Variants in DHRS9 observed in about 807,000 individuals in gnomAD.
The protein encoded by DHRS9 is dehydrogenase/reductase 9, also known as dehydrogenase/reductase SDR family member 9.
In DHRS9, 18 loss-of-function variants were observed where a neutral mutation model predicts 26.6. The ratio of observed to expected loss-of-function variants is 0.68; its 90% confidence interval spans 0.47 to 1.00. The LOEUF (loss-of-function observed/expected upper bound fraction) is 1.00, where lower values mean the gene tolerates loss of function less well. Among genes scored for constraint, DHRS9 ranks in the 50% least tolerant of loss-of-function variants. DHRS9 has a pLI of 0.00. For missense variants in DHRS9, 425 were observed against 378.7 expected (o/e 1.12, Z -1.01); for synonymous variants, 134 against 141.1 (o/e 0.95, Z 0.36).
chr2:169,083,537 G>A lies in DHRS9; in HGVS notation c.522G>A (p.Gly174=), dbSNP rs149209517. The A allele has an allele frequency of 6.7e-5, 108 of 1,613,764 alleles. No individual in the cohort carries two copies. Among genetic ancestry groups the A allele is most frequent in the Non-Finnish European group, 8.5e-5 (100 of 1,179,956 alleles). ...SVGGRLAIVG[G]GYTPSKYAVE... ...GAGGTCGCCTTGCAATCGTTGGAGG[G>A]GGCTATACTCCATCCAAATATGCAG... Residue 174 remains glycine, a synonymous_variant, in exon 3 of 5, where the codon GGG becomes GGA. Coordinates refer to ENST00000674881, the MANE Select transcript of DHRS9 (RefSeq NM_001376924.1).
chr2:169,095,739 C>T lies in DHRS9; in HGVS notation c.932C>T (p.Ala311Val). ...GACTTTTTATTGTTGAAACAGAAAG[C>T]AGAGCTGGCTAATCCCAAGGCAGTG... ...LQDFLLLKQKAELANPKAV is the reference protein window; with the variant it reads ...LQDFLLLKQKVELANPKAV The change falls in exon 5 of 5, where the codon GCA becomes GTA. Residue 311 changes from alanine (A) to valine (V), a missense_variant. Physicochemically the swap from Ala to Val is moderately conservative, Grantham distance 64. Coordinates refer to ENST00000674881, the MANE Select transcript of DHRS9 (RefSeq NM_001376924.1). The T allele has an allele frequency of 6.2e-7, 1 of 1,613,776 alleles. No homozygotes were observed. Among genetic ancestry groups the T allele is most frequent in the Non-Finnish European group, 8.5e-7 (1 of 1,179,822 alleles).
chr2:169,078,092 C>G (rs1293710523), intron 1 of DHRS9, among the ~76,000 whole-genome samples: 1 of 152,206 alleles, frequency 6.6e-6, no homozygotes, highest in Non-Finnish European at 1.5e-5. Flanking sequence ...TCATCTGTCT[C>G]CTATAGTGGA....
chr2:169,074,482 T>C, intron 1 of DHRS9: 2 of 983,856 alleles, frequency 2.0e-6, no homozygotes, highest in Non-Finnish European at 2.4e-6. Context: ...TTCCTGGAGT[T>C]TCTGAATTGT....
In DHRS9 at chr2:169,069,723, T is replaced by C. The variant is rs1683744577; in HGVS notation, c.-60+6T>C. The C allele has an allele frequency of 2.0e-6, 2 of 985,388 alleles. No homozygotes were observed. The highest frequency in any genetic ancestry group is 1.2e-4 in the Admixed American group (2 of 16,276). 61.0% of individuals were successfully genotyped at this position (985,388 alleles called of 1,614,324 possible). On this transcript the variant is annotated splice_donor_region_variant and intron_variant, in intron 1 of 4. Coordinates refer to ENST00000674881, the MANE Select transcript of DHRS9 (RefSeq NM_001376924.1). The stretch of plus-strand genomic sequence containing the variant: ...CCCACTTCATCTTTAATAAGGTAAC[T>C]GATGACAGTTTTGTCATTTATTCTT...
upstream of DHRS9, chr2:169,069,335 T>C: frequency 3.8e-6 from 3 of 780,000 alleles, no homozygotes; most frequent in Non-Finnish European, 4.7e-6. Context: ...TTTCTGCTGC[T>C]GAATTTGGTC....
At chr2:169,078,542 T>C (rs558112088) in intron 1 of DHRS9, among the ~76,000 whole-genome samples, 19 of 152,338 alleles carry the variant, frequency 1.2e-4, no homozygotes, top group African/African-American at 3.8e-4. Context: ...GGTTTAAACA[T>C]GTAATTTTGC....
chr2:169,082,095 G>GA (rs1684209801), intron 2 of DHRS9, among the ~76,000 whole-genome samples: 1 of 152,178 alleles, frequency 6.6e-6, no homozygotes, highest in Non-Finnish European at 1.5e-5. Context: ...ACACAGCCCA[G>GA]AAGACCCTTG....
At chr2:169,077,060 T>C (rs1574022667) in intron 1 of DHRS9, among the ~76,000 whole-genome samples, 1 of 152,180 alleles carries the variant, frequency 6.6e-6, no homozygotes, top group East Asian at 1.9e-4. Context: ...AAGACATAAG[T>C]GGATCCAGGC....
intron 4 of DHRS9, among the ~76,000 whole-genome samples, chr2:169,093,962 T>A (rs1684615808): frequency 1.3e-5 from 2 of 152,252 alleles, no homozygotes. Context: ...TTTAAAAGTA[T>A]GTGAGAATCA....
chr2:169,073,801 C>G (rs967830700), intron 1 of DHRS9, among the ~76,000 whole-genome samples: 1 of 152,184 alleles, frequency 6.6e-6, no homozygotes, highest in African/African-American at 2.4e-5. Flanking sequence ...CAATGTGATA[C>G]TACCAAGGAA....
chr2:169,089,752 C>T (rs907273161), intron 3 of DHRS9, among the ~76,000 whole-genome samples: 1 of 152,094 alleles, frequency 6.6e-6, no homozygotes, highest in Admixed American at 6.5e-5. Context: ...ACAATTCTTC[C>T]AAAAAACTAA....
In DHRS9 at chr2:169,083,539, G is replaced by A. The variant is rs1684258854; in HGVS notation, c.524G>A (p.Gly175Asp). 1 of 1,613,938 alleles carries A rather than the reference G, an allele frequency of 6.2e-7. No individual in the cohort carries two copies. The highest frequency in any genetic ancestry group is 1.3e-5 in the African/African-American group (1 of 74,902). Reference protein sequence around the residue: ...VGGRLAIVGGGYTPSKYAVEG... With the variant: ...VGGRLAIVGGDYTPSKYAVEG... ...GGTCGCCTTGCAATCGTTGGAGGGG[G>A]CTATACTCCATCCAAATATGCAGTG... Residue 175 changes from glycine to aspartate, a missense_variant, in exon 3 of 5, where the codon GGC (glycine) becomes GAC (aspartate). Transcript: ENST00000674881.
chr2:169,079,114 T>TG (rs1367803463), intron 1 of DHRS9, among the ~76,000 whole-genome samples: 1 of 152,080 alleles, frequency 6.6e-6, no homozygotes, highest in Non-Finnish European at 1.5e-5. Flanking sequence ...CCCAAAGTGC[T>TG]GGGATTACAG....
intron 1 of DHRS9, chr2:169,070,529 G>T: frequency 1.0e-6 from 1 of 985,310 alleles, no homozygotes; most frequent in African/African-American, 1.7e-5. Flanking sequence ...AGTATCCCTC[G>T]GCATATATTA....
rs367845199 is a variant in DHRS9 at position 169,095,731 on chromosome 2, A to G, written c.924A>G (p.Lys308=). The change falls in exon 5 of 5, where the codon AAA becomes AAG. Residue 308 remains lysine (K), a synonymous_variant. Transcript: ENST00000674881. ...CTTTGCAAGACTTTTTATTGTTGAA[A>G]CAGAAAGCAGAGCTGGCTAATCCCA... is the stretch of plus-strand genomic sequence containing the variant. The part of the protein sequence containing the change: ...PAALQDFLLL[K]QKAELANPKA... The G allele has an allele frequency of 1.7e-5, 28 of 1,613,730 alleles. No homozygotes were observed. Among genetic ancestry groups the G allele is most frequent in the Non-Finnish European group, 2.3e-5 (27 of 1,179,870 alleles).
At chr2:169,067,078 T>A, upstream of DHRS9, 1 of 1,521,092 alleles carries the variant, frequency 6.6e-7, no homozygotes, top group South Asian at 1.2e-5. Context: ...GAAGTCTTCA[T>A]AGCAGCTTAT....
chr2:169,083,636 A>G (rs762962961), intron 3 of DHRS9, 49 bp downstream of exon 3: 2 of 1,594,080 alleles, frequency 1.3e-6, no homozygotes, highest in Non-Finnish European at 1.7e-6. Flanking sequence ...GCAAACGTTT[A>G]CTGAATGCTT....
chr2:169,091,111 C>A (rs2105302109), intron 3 of DHRS9, among the ~76,000 whole-genome samples: 1 of 152,094 alleles, frequency 6.6e-6, no homozygotes, highest in East Asian at 1.9e-4. Flanking sequence ...CAGGATGTGA[C>A]CCCACAGGAA....
chr2:169,085,495 T>G (rs545265405), intron 3 of DHRS9, among the ~76,000 whole-genome samples: 1 of 152,292 alleles, frequency 6.6e-6, no homozygotes, highest in Admixed American at 6.5e-5. Flanking sequence ...TTGTATCCTC[T>G]TCAATTTCTT....
Sources: gnomAD v4.1 joint callset for allele counts (sites outside exome capture counted in the v4.1 genomes callset) on GRCh38, gnomAD v4.1.1 for gene constraint, MANE v1.5 for transcripts, NCBI Gene and HGNC (gene_info 2026-07-23, HGNC 2026-07-21) for gene names.